The following MBD5 variants were observed in gnomAD, a reference collection of about 807,000 sequenced individuals.
MBD5 encodes methyl-CpG-binding domain protein 5.
MBD5 carries 13 observed loss-of-function variants against 117.3 expected under a neutral mutation model. The observed-to-expected ratio is 0.11, with a 90% CI of 0.07 to 0.18. The LOEUF (loss-of-function observed/expected upper bound fraction) is 0.18. Ranked by LOEUF, MBD5 falls within the 10% of genes least tolerant of loss-of-function variation. The pLI is 1.00. For missense variants in MBD5, 1,879 were observed against 2,093.8 expected, an observed-to-expected ratio of 0.90 and a Z score of 2.00; for synonymous variants, 727 against 766.4, an observed-to-expected ratio of 0.95 and a Z score of 0.85.
intron 3 of MBD5, among the ~76,000 whole-genome samples, chr2:148,273,958 A>G (rs939840182): frequency 6.6e-6 from 1 of 151,378 alleles, no homozygotes. Flanking sequence ...TTGCTATTTT[A>G]TTTTTCTCTT....
At chr2:148,036,280 C>G (rs1047079517) in intron 1 of MBD5, among the ~76,000 whole-genome samples, 1 of 152,038 alleles carries the variant, frequency 6.6e-6, no homozygotes, top group African/African-American at 2.4e-5. Context: ...ATTCCATGTG[C>G]CAATGTGTTG....
intron 3 of MBD5, among the ~76,000 whole-genome samples, chr2:148,294,335 C>G (rs1267219083): frequency 2.0e-5 from 3 of 147,916 alleles, no homozygotes; most frequent in African/African-American, 7.6e-5. Context: ...CGCCATTCTC[C>G]TGCCTCAGCC....
intron 4 of MBD5, among the ~76,000 whole-genome samples, chr2:148,407,015 A>G (rs1283737868): frequency 2.0e-5 from 3 of 152,272 alleles, no homozygotes; most frequent in Non-Finnish European, 2.9e-5. Context: ...CACCATTACA[A>G]TGTAAACTCC....
intron 3 of MBD5, among the ~76,000 whole-genome samples, chr2:148,241,601 C>A (rs575205082): frequency 3.9e-5 from 6 of 152,022 alleles, no homozygotes; most frequent in Non-Finnish European, 7.4e-5. Context: ...CTTTCTGGGC[C>A]CCCCCTCCCT....
At chr2:148,224,805 A>G (rs187484574) in intron 2 of MBD5, among the ~76,000 whole-genome samples, 105 of 152,056 alleles carry the variant, frequency 6.9e-4, no homozygotes, top group African/African-American at 2.5e-3. Flanking sequence ...CCCCTTTATC[A>G]TAACATAGTG....
At chr2:148,199,501 G>T (rs1254017428) in intron 2 of MBD5, among the ~76,000 whole-genome samples, 1 of 152,130 alleles carries the variant, frequency 6.6e-6, no homozygotes, top group African/African-American at 2.4e-5. Flanking sequence ...AGGCACGGTG[G>T]CTCATGTCTA....
chr2:148,163,817 G>A (rs1270898155), intron 1 of MBD5, among the ~76,000 whole-genome samples: 1 of 152,062 alleles, frequency 6.6e-6, no homozygotes, highest in African/African-American at 2.4e-5. Flanking sequence ...AATGTATTAT[G>A]GGTAAAATTA....
intron 2 of MBD5, among the ~76,000 whole-genome samples, chr2:148,203,017 A>T (rs936383290): frequency 6.6e-6 from 1 of 151,638 alleles, no homozygotes; most frequent in African/African-American, 2.4e-5. Context: ...AAGCAGGAGA[A>T]TCGCTTGAAC....
chr2:148,159,566 G>A (rs565326280), intron 1 of MBD5, among the ~76,000 whole-genome samples: 8 of 152,014 alleles, frequency 5.3e-5, no homozygotes, highest in Non-Finnish European at 1.0e-4. Flanking sequence ...GTTTACAGGC[G>A]TGAGTCACCA....
At chr2:148,447,164 G>A (rs1465675849) in intron 4 of MBD5, among the ~76,000 whole-genome samples, 89 of 104,076 alleles carry the variant, frequency 8.6e-4, no homozygotes, top group African/African-American at 3.3e-3. Context: ...GGAAAGAAAG[G>A]AAGAAAGGAA....
At position 148,147,155 on chromosome 2, in the gene MBD5, TC is replaced by T. The variant is rs1697487135; in HGVS notation, c.-924-31542del. 2.0e-5 allele frequency among the ~76,000 whole-genome samples: 3 copies of T among 152,050 alleles called. No individual in the cohort carries two copies. The South Asian group carries it at 6.2e-4, about 31-fold the overall frequency. ...GAACAGTTTCAGTCGGCTGCTATTT[TC>T]CCTTTGTATAAGCCACACTTTCCTT... On this transcript the variant is annotated intron_variant, in intron 1 of 13. Coordinates refer to ENST00000642680, the MANE Select transcript of MBD5 (RefSeq NM_001378120.1).
chr2:148,444,753 G>A (rs188431329), intron 4 of MBD5, among the ~76,000 whole-genome samples: 1 of 150,820 alleles, frequency 6.6e-6, no homozygotes, highest in Non-Finnish European at 1.5e-5. Flanking sequence ...TAATTAGCAC[G>A]CCATACTTAG....
intron 4 of MBD5, among the ~76,000 whole-genome samples, chr2:148,446,478 C>A (rs1411407488): frequency 6.6e-6 from 1 of 152,056 alleles, no homozygotes; most frequent in Non-Finnish European, 1.5e-5. Flanking sequence ...TGTGGAGTAA[C>A]TGTGGTCCAG....
At chr2:148,479,173 A>T (rs1681064330) in intron 8 of MBD5, among the ~76,000 whole-genome samples, 1 of 152,330 alleles carries the variant, frequency 6.6e-6, no homozygotes, top group Non-Finnish European at 1.5e-5. Flanking sequence ...TTAAGAACTC[A>T]GAGTAATTTG....
At chr2:148,286,392 G>T (rs186221161) in intron 3 of MBD5, among the ~76,000 whole-genome samples, 1 of 152,026 alleles carries the variant, frequency 6.6e-6, no homozygotes, top group Non-Finnish European at 1.5e-5. Context: ...TCTGCATTTC[G>T]ATCCCCAAGC....
At chr2:148,142,669 A>G (rs1697347094) in intron 1 of MBD5, among the ~76,000 whole-genome samples, 1 of 152,214 alleles carries the variant, frequency 6.6e-6, no homozygotes, top group South Asian at 2.1e-4. Context: ...GGCAAAGAAA[A>G]GTACCAGCAT....
rs778198591 is a variant in MBD5 at position 148,470,362 on chromosome 2, T to C, written c.2419T>C (p.Leu807=). Residue 807 remains leucine, a synonymous_variant, in exon 8 of 14, where the codon TTA becomes CTA. Coordinates refer to ENST00000642680, the MANE Select transcript of MBD5 (RefSeq NM_001378120.1). ...SQSGMALGNS[L]HPNPPQSRIS... The stretch of plus-strand genomic sequence containing the variant: ...GTCGGGCATGGCTTTAGGAAATTCC[T>C]TACATCCCAATCCACCTCAGTCAAG... 6.2e-7 allele frequency: 1 copy of C among 1,613,850 alleles called. No individual in the cohort carries two copies. Among genetic ancestry groups the C allele is most frequent in the Non-Finnish European group, 8.5e-7 (1 of 1,179,854 alleles).
At chr2:148,281,288 T>C (rs534983101) in intron 3 of MBD5, among the ~76,000 whole-genome samples, 2 of 152,332 alleles carry the variant, frequency 1.3e-5, no homozygotes, top group African/African-American at 4.8e-5. Flanking sequence ...TATCACATTC[T>C]CAGTGAATTG....
chr2:148,213,317 T>A (rs1699475906), intron 2 of MBD5, among the ~76,000 whole-genome samples: 1 of 152,158 alleles, frequency 6.6e-6, no homozygotes, highest in African/African-American at 2.4e-5. Flanking sequence ...AACTATATTG[T>A]CAAGAATTAT....
Sources: allele counts gnomAD v4.1 joint callset (sites outside exome capture counted in the v4.1 genomes callset), GRCh38; gene constraint gnomAD v4.1.1; transcripts MANE v1.5; gene names NCBI Gene and HGNC (gene_info 2026-07-23, HGNC 2026-07-21).